The following HVCN1 variants were observed in gnomAD, a reference collection of about 807,000 sequenced individuals.
HVCN1 encodes the protein voltage-gated hydrogen channel 1.
Under a neutral mutation model 29.2 loss-of-function variants are expected in HVCN1, and 14 were observed. The observed-to-expected ratio is 0.48, with a 90% confidence interval of 0.32 to 0.75. The LOEUF is 0.75. Ranked by LOEUF, HVCN1 falls within the 30% of genes least tolerant of loss-of-function variation. HVCN1 has a pLI of 0.04. For missense variants in HVCN1, 263 were observed against 341.8 expected (o/e 0.77, Z 1.82); for synonymous variants, 131 against 133.2 (o/e 0.98, Z 0.11).
In HVCN1 at chr12:110,661,515, C is replaced by G; in HGVS notation, c.22-67G>C. ...CCACTCAGAGCCCACATGGCCCAGG[C>G]CGGGCCAGGCCACTGCAGGTGAAGA... On this transcript the variant is annotated intron_variant, in intron 3 of 7. Coordinates refer to ENST00000242607, the MANE Select transcript of HVCN1 (RefSeq NM_032369.4). This position sits in a 1 kb window ranked among gnomAD's most constrained non-coding sequence, Gnocchi z 6.2. 3 of 1,508,806 alleles carry G rather than the reference C, an allele frequency of 2.0e-6. No individual in the cohort carries two copies. The highest frequency in any genetic ancestry group is 1.8e-5 in the Admixed American group (1 of 54,498). 93.5% of individuals were successfully genotyped at this position (1,508,806 alleles called of 1,614,324 possible).
chr12:110,682,213 C>G (rs2069005345), intron 3 of HVCN1, among the ~76,000 whole-genome samples: 1 of 152,124 alleles, frequency 6.6e-6, no homozygotes, highest in African/African-American at 2.4e-5. Context: ...GTCTCAAACT[C>G]CTGACTTCAG....
chr12:110,696,800 C>T (rs2136508235), intron 2 of HVCN1, among the ~76,000 whole-genome samples: 1 of 152,146 alleles, frequency 6.6e-6, no homozygotes, highest in South Asian at 2.1e-4. Flanking sequence ...ATGGGTCTAC[C>T]ACATGTTGCT....
At chr12:110,659,745 CCCATCT>C (rs2068101946) in intron 4 of HVCN1, among the ~76,000 whole-genome samples, 1 of 151,994 alleles carries the variant, frequency 6.6e-6, no homozygotes, top group South Asian at 2.1e-4. Context: ...ATAGCAAGAT[CCCATCT>C]CTTAAAAAAA....
At chr12:110,667,533 G>A (rs868591844) in intron 3 of HVCN1, among the ~76,000 whole-genome samples, 3 of 152,274 alleles carry the variant, frequency 2.0e-5, no homozygotes, top group Middle Eastern at 3.4e-3. Context: ...GGGATCAAGC[G>A]ATCCTCCCAC....
chr12:110,660,970 T>C (rs977252755), intron 4 of HVCN1, among the ~76,000 whole-genome samples, 194 bp downstream of exon 4: 1 of 152,228 alleles, frequency 6.6e-6, no homozygotes, highest in Non-Finnish European at 1.5e-5. Context: ...ATGGCTCTTT[T>C]CTCCCTGACA....
Position 110,661,352 on chromosome 12 carries a change from T to C in HVCN1, c.118A>G (p.Ile40Val), listed in dbSNP as rs1403486741. The C allele has an allele frequency of 6.2e-7, 1 of 1,614,256 alleles. No homozygotes were observed. Among genetic ancestry groups the C allele is most frequent in the Middle Eastern group, 1.6e-4 (1 of 6,062 alleles). The stretch of plus-strand genomic sequence containing the variant: ...TCATTCTCCCATTTCTTGTAGTTGA[T>C]GTTCCAGGCATGGTAGTCGTCTCCC... ...VVGDDYHAWN[I>V]NYKKWENEEE... is the part of the protein sequence containing the mutation. Residue 40 changes from isoleucine (I) to valine (V), a missense_variant, in exon 4 of 8, where the codon ATC (isoleucine) becomes GTC (valine). Coordinates refer to ENST00000242607, the MANE Select transcript of HVCN1 (RefSeq NM_032369.4). The surrounding 1 kb of genome is among the most constrained non-coding windows in gnomAD (Gnocchi z 6.2).
chr12:110,662,339 T>G (rs886214220), intron 3 of HVCN1, among the ~76,000 whole-genome samples: 2 of 152,156 alleles, frequency 1.3e-5, no homozygotes, highest in African/African-American at 4.8e-5. Context: ...TTAAAAAGTC[T>G]TAGAACAAAA....
Position 110,661,217 on chromosome 12 carries a change from G to A in HVCN1, c.253C>T (p.Pro85Ser). ...APAPGPAPRAPLDFRGMLRKL... is the reference protein window; with the variant it reads ...APAPGPAPRASLDFRGMLRKL... ...CTCAACATGCCCCTGAAGTCAAGGG[G>A]GGCCCTGGGTGCGGGGCCAGGGGCA... is the stretch of plus-strand genomic sequence containing the variant. Residue 85 changes from proline (P) to serine (S), a missense_variant, in exon 4 of 8, where the codon CCC becomes TCC. By Grantham distance (74) the Pro-to-Ser change is moderately conservative. Transcript: ENST00000242607. This position sits in a 1 kb window ranked among gnomAD's most constrained non-coding sequence, Gnocchi z 6.2. The A allele has an allele frequency of 6.2e-7, 1 of 1,613,782 alleles. No individual in the cohort carries two copies. The highest frequency in any genetic ancestry group is 8.5e-7 in the Non-Finnish European group (1 of 1,179,744).
chr12:110,689,675 C>T (rs2136490882), upstream of HVCN1: 1 of 152,424 alleles, frequency 6.6e-6, no homozygotes, highest in East Asian at 1.9e-4. This position sits in a 1 kb window ranked among gnomAD's most constrained non-coding sequence, Gnocchi z 5.7. Context: ...TTCCCTTGGT[C>T]GAGGGCTCTG....
chr12:110,667,254 C>A (rs1452201303), intron 3 of HVCN1, among the ~76,000 whole-genome samples: 2 of 152,216 alleles, frequency 1.3e-5, no homozygotes, highest in African/African-American at 2.4e-5. Flanking sequence ...CCTGCCTCAG[C>A]CTCCCGAGTA....
Position 110,661,364 on chromosome 12 carries a change from G to A in HVCN1, c.106C>T (p.His36Tyr), listed in dbSNP as rs1337575370. ...RHFTVVGDDY[H>Y]AWNINYKKWE... Reference sequence around the variant, plus strand: ...TTCTTGTAGTTGATGTTCCAGGCATGGTAGTCGTCTCCCACGACCGTGAAG... The same window carrying A: ...TTCTTGTAGTTGATGTTCCAGGCATAGTAGTCGTCTCCCACGACCGTGAAG... The change falls in exon 4 of 8, where the codon CAT (histidine) becomes TAT (tyrosine). Residue 36 changes from histidine to tyrosine, a missense_variant. Around this residue, in one of 3 missense-constraint regions of HVCN1, gnomAD observed 157 missense variants for 181.3 expected, o/e 0.87. Transcript: ENST00000242607. The surrounding 1 kb of genome is among the most constrained non-coding windows in gnomAD (Gnocchi z 6.2). 6.2e-7 allele frequency: 1 copy of A among 1,614,066 alleles called. No individual in the cohort carries two copies. The highest frequency in any genetic ancestry group is 1.7e-5 in the Admixed American group (1 of 60,000).
intron 3 of HVCN1, among the ~76,000 whole-genome samples, chr12:110,664,725 C>T (rs1255309417): frequency 6.6e-6 from 1 of 152,170 alleles, no homozygotes; most frequent in Non-Finnish European, 1.5e-5. Context: ...TGTGAATCTG[C>T]TTGGCAATGT....
upstream of HVCN1, among the ~76,000 whole-genome samples, chr12:110,690,365 G>T (rs967836215): frequency 6.0e-4 from 91 of 152,202 alleles, no homozygotes; most frequent in Non-Finnish European, 1.1e-3. Context: ...AGGTTTGGAG[G>T]GGTTAGGATG....
chr12:110,667,427 C>A (rs1476968118), intron 3 of HVCN1, among the ~76,000 whole-genome samples: 1 of 151,136 alleles, frequency 6.6e-6, no homozygotes, highest in Non-Finnish European at 1.5e-5. Flanking sequence ...AGCCACCGTG[C>A]CTGGCCATAA....
intron 3 of HVCN1, among the ~76,000 whole-genome samples, chr12:110,681,518 A>C (rs2068969923): frequency 6.6e-6 from 1 of 152,182 alleles, no homozygotes; most frequent in Non-Finnish European, 1.5e-5. Flanking sequence ...TTTAATAGGG[A>C]ACTACAAATG....
At chr12:110,672,812 A>G (rs1451996481) in intron 3 of HVCN1, among the ~76,000 whole-genome samples, 2 of 152,038 alleles carry the variant, frequency 1.3e-5, no homozygotes, top group Admixed American at 1.3e-4. Context: ...TTTTGCTTCT[A>G]ATTTTCTCTT....
upstream of HVCN1, among the ~76,000 whole-genome samples, chr12:110,694,272 G>A (rs2069456127): frequency 6.6e-6 from 1 of 152,192 alleles, no homozygotes; most frequent in South Asian, 2.1e-4. The surrounding 1 kb of genome is among the most constrained non-coding windows in gnomAD (Gnocchi z 4.6). Context: ...ATGTTGCCTA[G>A]GCTAGTCTCA....
intron 2 of HVCN1, among the ~76,000 whole-genome samples, chr12:110,684,852 G>A (rs536102926): frequency 3.9e-5 from 6 of 152,292 alleles, no homozygotes; most frequent in South Asian, 2.1e-4. Flanking sequence ...TGGTCGCTCT[G>A]ACCCTCTGAC....
chr12:110,654,624 G>A (rs529425966), intron 5 of HVCN1, among the ~76,000 whole-genome samples: 8 of 151,952 alleles, frequency 5.3e-5, no homozygotes, highest in African/African-American at 9.7e-5. Flanking sequence ...GATTACAGGC[G>A]CATGCCACCA....
Sources: allele counts gnomAD v4.1 joint callset (sites outside exome capture counted in the v4.1 genomes callset), GRCh38; gene constraint gnomAD v4.1.1; regional missense constraint gnomAD v4.1.1; non-coding constraint Gnocchi (gnomAD v3.1); transcripts MANE v1.5; gene names NCBI Gene and HGNC (gene_info 2026-07-23, HGNC 2026-07-21).